The following GOLGB1 variants were observed in gnomAD, a reference collection of about 807,000 sequenced individuals.
GOLGB1 encodes the protein golgin B1.
Under a neutral mutation model 336.9 loss-of-function variants are expected in GOLGB1, and 174 were observed. That is an observed-to-expected ratio of 0.52 (90% CI 0.46 to 0.59). GOLGB1 has a LOEUF of 0.59. Among genes scored for constraint, GOLGB1 ranks in the 20% least tolerant of loss-of-function variants. The probability of loss-of-function intolerance (pLI) is 0.00; values close to 1 mark genes in which losing one functional copy is unlikely to be tolerated. For synonymous variants in GOLGB1, 1,208 were observed against 1,289.2 expected (o/e 0.94, Z 1.35); for missense variants, 3,331 against 3,645.3 (o/e 0.91, Z 2.22).
chr3:121,683,894 C>T (rs1941395017), intron 14 of GOLGB1, among the ~76,000 whole-genome samples: 1 of 151,856 alleles, frequency 6.6e-6, no homozygotes. Flanking sequence ...CTTTGGGGGG[C>T]CGAGGTGGGC....
chr3:121,745,889 A>C (rs1177964298), intron 1 of GOLGB1, among the ~76,000 whole-genome samples: 1 of 152,200 alleles, frequency 6.6e-6, no homozygotes, highest in African/African-American at 2.4e-5. Context: ...CCAAGTCTTC[A>C]CTGTTATCAA....
chr3:121,692,629 GT>G, intron 13 of GOLGB1, 48 bp from the exon 14 acceptor site: 1 of 1,128,858 alleles, frequency 8.9e-7, no homozygotes, highest in Non-Finnish European at 1.3e-6. Flanking sequence ...GAAAAAAACT[GT>G]GTTTCCCAAG....
In GOLGB1 at chr3:121,693,828, CTAA is replaced by C. The variant is rs1942688292; in HGVS notation, c.6692_6694del (p.Ile2231del). 6.2e-7 allele frequency: 1 copy of C among 1,609,818 alleles called. No individual in the cohort carries two copies. The highest frequency in any genetic ancestry group is 8.5e-7 in the Non-Finnish European group (1 of 1,176,054). ...AACACTGCAATTATCTTCTTTGAGT[CTAA>C]TTTCTTCTTCTTTGCTTTGAATCGC... On this transcript the variant is annotated inframe_deletion, in exon 13 of 22. Coordinates refer to ENST00000614479, the MANE Select transcript of GOLGB1 (RefSeq NM_001366282.2).
Position 121,692,578 on chromosome 3 carries a change from A to C in GOLGB1, c.6786T>G (p.Leu2262=). 1 of 1,561,848 alleles carries C rather than the reference A, an allele frequency of 6.4e-7. No individual in the cohort carries two copies. Among genetic ancestry groups the C allele is most frequent in the Non-Finnish European group, 8.6e-7 (1 of 1,158,148 alleles). Residue 2262 remains leucine (L), a synonymous_variant, in exon 14 of 22, where the codon CTT becomes CTG. Transcript: ENST00000614479. ...ACTCCCAAATCTGCTTGTCATGTTCAAGCCTGAAACAGAGAGAAGGTCATT... is the reference window on the plus strand; with the variant it reads ...ACTCCCAAATCTGCTTGTCATGTTCCAGCCTGAAACAGAGAGAAGGTCATT... ...MEELKINISR[L]EHDKQIWESK...
intron 17 of GOLGB1, among the ~76,000 whole-genome samples, chr3:121,673,064 T>G (rs376638089): frequency 1.3e-5 from 2 of 151,028 alleles, no homozygotes; most frequent in East Asian, 1.9e-4. Context: ...TGTGTTTTTT[T>G]GTTTTTTGGT....
In GOLGB1 at chr3:121,714,875, T is replaced by A. The variant is rs910752886; in HGVS notation, c.1390A>T (p.Asn464Tyr). 6.3e-7 allele frequency: 1 copy of A among 1,596,778 alleles called. No individual in the cohort carries two copies. Among genetic ancestry groups the A allele is most frequent in the Non-Finnish European group, 8.6e-7 (1 of 1,164,562 alleles). Reference protein sequence around the residue: ...ASQTSFPDVYNEGTQAVTEEN... With the variant: ...ASQTSFPDVYYEGTQAVTEEN... ...CATTTAATTACCTGTGTGCCCTCAT[T>A]ATAAACATCTGGGAAAGAAGTCTGA... The change falls in exon 10 of 22, where the codon AAT becomes TAT. Residue 464 changes from asparagine (N) to tyrosine (Y), a missense_variant. Transcript: ENST00000614479.
intron 21 of GOLGB1, 118 bp downstream of exon 21, chr3:121,664,808 G>T: frequency 1.3e-6 from 1 of 799,580 alleles, no homozygotes; most frequent in Non-Finnish European, 2.1e-6. Flanking sequence ...TCCAGCCTTA[G>T]ACTCATTCGC....
chr3:121,707,758 T>A (rs935710324), intron 10 of GOLGB1, among the ~76,000 whole-genome samples: 1 of 152,054 alleles, frequency 6.6e-6, no homozygotes, highest in African/African-American at 2.4e-5. Context: ...TATTGGAACA[T>A]AACCACAACC....
At chr3:121,745,531 TGTATGTATATATATACATATGTATAC>T (rs1947224387) in intron 1 of GOLGB1, among the ~76,000 whole-genome samples, 1 of 150,488 alleles carries the variant, frequency 6.6e-6, no homozygotes, top group African/African-American at 2.5e-5. Context: ...TATGTATACG[TGTATGTATATATATACATATGTATAC>T]GTGTATGTAT....
At position 121,687,238 on chromosome 3, in the gene GOLGB1, G is replaced by A. The variant is rs1330414091; in HGVS notation, c.8694+3432C>T. On this transcript the variant is annotated intron_variant, in intron 14 of 21. Coordinates refer to ENST00000614479, the MANE Select transcript of GOLGB1 (RefSeq NM_001366282.2). The stretch of plus-strand genomic sequence containing the variant: ...GATTGCACCACTGCACTCCAGCCTG[G>A]GTGAGAGAGCAAGACTCCATCTCAA... Among the ~76,000 whole-genome samples the A allele has an allele frequency of 2.0e-5, 3 of 152,112 alleles. No individual in the cohort carries two copies. In the East Asian group the frequency reaches 5.8e-4, roughly 29 times the overall value.
Position 121,694,366 on chromosome 3 carries a change from C to A in GOLGB1, c.6157G>T (p.Val2053Phe), listed in dbSNP as rs1367210328. The A allele has an allele frequency of 6.2e-7, 1 of 1,613,252 alleles. No homozygotes were observed. The change falls in exon 13 of 22, where the codon GTT (valine) becomes TTT (phenylalanine). Residue 2053 changes from valine to phenylalanine, a missense_variant. Physicochemically the swap from Val to Phe is conservative, Grantham distance 50. Transcript: ENST00000614479. Reference protein sequence around the residue: ...LERTVKALEFVQTESQKDLEI... With the variant: ...LERTVKALEFFQTESQKDLEI... Reference sequence around the variant, plus strand: ...AAATCTTTTTGAGATTCAGTTTGAACAAATTCTAGAGCTTTAACAGTTCTC... The same window carrying A: ...AAATCTTTTTGAGATTCAGTTTGAAAAAATTCTAGAGCTTTAACAGTTCTC...
At position 121,698,944 on chromosome 3, in the gene GOLGB1, G is replaced by T; in HGVS notation, c.1594-15C>A. ...ACAATGCTGATCTATTTTTAAAAAAGAAAAAAAAAGCTGTAATCAAATGTT... is the reference window on the plus strand; with the variant it reads ...ACAATGCTGATCTATTTTTAAAAAATAAAAAAAAAGCTGTAATCAAATGTT... On this transcript the variant is annotated splice_polypyrimidine_tract_variant and intron_variant, in intron 12 of 21. Transcript: ENST00000614479. 6.9e-7 allele frequency: 1 copy of T among 1,439,714 alleles called. No individual in the cohort carries two copies. The highest frequency in any genetic ancestry group is 1.6e-5 in the South Asian group (1 of 64,484). 89.2% of individuals were successfully genotyped at this position (1,439,714 alleles called of 1,614,324 possible).
In GOLGB1 at chr3:121,691,952, A is replaced by G. The variant is rs1408017998; in HGVS notation, c.7412T>C (p.Met2471Thr). The change falls in exon 14 of 22, where the codon ATG becomes ACG. Residue 2471 changes from methionine to threonine, a missense_variant. Met to Thr is a moderately conservative substitution (Grantham distance 81). Coordinates refer to ENST00000614479, the MANE Select transcript of GOLGB1 (RefSeq NM_001366282.2). ...KAQLDSFVKS[M>T]SSLQNDRDRI... ...GTCTCGATCATTTTGGAGAGAAGACATGGATTTAACAAAGGAATCCAACTG... is the reference window on the plus strand; with the variant it reads ...GTCTCGATCATTTTGGAGAGAAGACGTGGATTTAACAAAGGAATCCAACTG... 1 of 1,614,174 alleles carries G rather than the reference A, an allele frequency of 6.2e-7. No homozygotes were observed. The highest frequency in any genetic ancestry group is 1.1e-5 in the South Asian group (1 of 91,072).
intron 21 of GOLGB1, 110 bp downstream of exon 21, chr3:121,664,816 C>A: frequency 1.2e-6 from 1 of 804,960 alleles, no homozygotes; most frequent in South Asian, 1.6e-5. Flanking sequence ...TAGACTCATT[C>A]GCTGCTCAGT....
rs1165602408 is a variant in GOLGB1, at chr3:121,664,489, G to C, written c.9786C>G (p.Gly3262=). 1.2e-6 allele frequency: 2 copies of C among 1,613,476 alleles called. No individual in the cohort carries two copies. Among genetic ancestry groups the C allele is most frequent in the African/African-American group, 2.7e-5 (2 of 74,876 alleles). ...AGAGTAACAACTAAGTCTATAGATG[G>C]CCCGTAAAACACAGAATGAGCAGGA... The part of the protein sequence containing the change: ...IHVLLILCFT[G]HL Residue 3262 remains glycine, a synonymous_variant, in exon 22 of 22, where the codon GGC becomes GGG. Transcript: ENST00000614479.
Position 121,729,861 on chromosome 3 carries a change from G to A in GOLGB1, c.249+4C>T. 1 of 1,603,130 alleles carries A rather than the reference G, an allele frequency of 6.2e-7. No homozygotes were observed. ...TCCACAAGAAAGGATAAAAACAATA[G>A]TACCTGTAGAGCTTCATCTTTCTGC... is the stretch of plus-strand genomic sequence containing the variant. On this transcript the variant is annotated splice_donor_region_variant and intron_variant, in intron 3 of 21. Transcript: ENST00000614479.
chr3:121,692,093 T>C lies in GOLGB1; in HGVS notation c.7271A>G (p.Gln2424Arg). Residue 2424 changes from glutamine to arginine, a missense_variant, in exon 14 of 22, where the codon CAG becomes CGG. By Grantham distance (43) the Gln-to-Arg change is conservative (BLOSUM62 1). Coordinates refer to ENST00000614479, the MANE Select transcript of GOLGB1 (RefSeq NM_001366282.2). ...EIKELENLLS[Q>R]EEEENIVLEE... is the part of the protein sequence containing the mutation. ...TAAAACAATATTCTCCTCTTCCTCC[T>C]GGGACAGCAGGTTTTCCAGCTCTTT... The C allele has an allele frequency of 1.9e-6, 3 of 1,613,774 alleles. No individual in the cohort carries two copies. Among genetic ancestry groups the C allele is most frequent in the Non-Finnish European group, 2.5e-6 (3 of 1,179,828 alleles).
intron 14 of GOLGB1, among the ~76,000 whole-genome samples, chr3:121,687,423 T>G (rs1319073451): frequency 6.6e-6 from 1 of 152,228 alleles, no homozygotes; most frequent in Non-Finnish European, 1.5e-5. Context: ...CTGAAAATAC[T>G]GGTGAGATGA....
chr3:121,664,966 TG>T lies in GOLGB1; in HGVS notation c.9619del (p.Gln3207ArgfsTer4). 6.2e-7 allele frequency: 1 copy of T among 1,609,952 alleles called. No homozygotes were observed. The highest frequency in any genetic ancestry group is 8.5e-7 in the Non-Finnish European group (1 of 1,176,130). On this transcript the variant is annotated frameshift_variant, in exon 21 of 22. Coordinates refer to ENST00000614479, the MANE Select transcript of GOLGB1 (RefSeq NM_001366282.2). LOFTEE classifies it high-confidence loss of function. ...GCTTGTAAGATCTATTAACAGTGCC[TG>T]CTCCTGAGTGCCACAGGAGCCAATG... ...PIIGSCGTQE[Q>X]ALLIDLTSNS...
Sources: gnomAD v4.1 joint callset for allele counts (sites outside exome capture counted in the v4.1 genomes callset) on GRCh38, gnomAD v4.1.1 for gene constraint, MANE v1.5 for transcripts, NCBI Gene and HGNC (gene_info 2026-07-23, HGNC 2026-07-21) for gene names.